The following CPS1 variants were observed in gnomAD, a reference collection of about 807,000 sequenced individuals.
The protein encoded by CPS1 is carbamoyl-phosphate synthase [ammonia], mitochondrial.
A neutral mutation model predicts 174.6 loss-of-function variants in CPS1; 109 were observed. The observed-to-expected ratio is 0.62, with a 90% confidence interval of 0.53 to 0.73. The LOEUF is 0.73. Among genes scored for constraint, CPS1 ranks in the 30% least tolerant of loss-of-function variants. CPS1 has a pLI of 0.00. For synonymous variants in CPS1, 637 were observed against 632.0 expected (o/e 1.01, Z -0.12); for missense variants, 1,689 against 1,821.9 (o/e 0.93, Z 1.33).
intron 27 of CPS1, among the ~76,000 whole-genome samples, chr2:210,649,119 A>G (rs939217265): frequency 2.0e-5 from 3 of 152,218 alleles, no homozygotes; most frequent in Admixed American, 6.5e-5. Context: ...TTCACCAAAC[A>G]AGGGATAATA....
chr2:210,674,483 C>T (rs7575473), intron 34 of CPS1: 1 of 87,282 alleles, frequency 1.1e-5, no homozygotes, highest in Non-Finnish European at 2.4e-5. Flanking sequence ...AAAAAAAAAA[C>T]CAAAAAAAAA....
chr2:210,623,269 G>T (rs1437378839), intron 21 of CPS1, among the ~76,000 whole-genome samples: 1 of 152,110 alleles, frequency 6.6e-6, no homozygotes, highest in Non-Finnish European at 1.5e-5. Context: ...ACGTTCAAAA[G>T]TAGGAGATAT....
chr2:210,613,769 A>G (rs1699209943), intron 20 of CPS1, among the ~76,000 whole-genome samples: 2 of 151,956 alleles, frequency 1.3e-5, no homozygotes, highest in Non-Finnish European at 2.9e-5. Context: ...GAATCTGGGA[A>G]AAATGTGTGG....
chr2:210,622,889 GT>G (rs373215479), intron 21 of CPS1, among the ~76,000 whole-genome samples: 1 of 150,778 alleles, frequency 6.6e-6, no homozygotes, highest in African/African-American at 2.4e-5. Context: ...TCCTTATTTT[GT>G]TTTTTTGGTT....
At chr2:210,637,556 A>T in intron 21 of CPS1, 146 bp from the exon 22 acceptor site, 1 of 832,074 alleles carries the variant, frequency 1.2e-6, no homozygotes, top group Non-Finnish European at 2.0e-6. Context: ...TGGGTTAGTT[A>T]TTTGTGTATT....
At chr2:210,523,287 T>C (rs929550817) in intron 1 of CPS1, among the ~76,000 whole-genome samples, 4 of 152,074 alleles carry the variant, frequency 2.6e-5, no homozygotes, top group Non-Finnish European at 5.9e-5. Flanking sequence ...AGTTTGTTGC[T>C]AACAACTTTG....
intron 21 of CPS1, among the ~76,000 whole-genome samples, chr2:210,628,799 CAA>C (rs537569828): frequency 1.5e-5 from 2 of 133,296 alleles, no homozygotes. Flanking sequence ...GACTCTATCT[CAA>C]AAAAAAAAAA....
intron 20 of CPS1, among the ~76,000 whole-genome samples, chr2:210,613,115 G>A (rs1699185534): frequency 1.3e-5 from 2 of 151,922 alleles, no homozygotes; most frequent in African/African-American, 4.8e-5. Context: ...TTGTGTGTGT[G>A]TATGTGTGTG....
chr2:210,674,484 C>CAAA (rs771522432), intron 34 of CPS1: 11 of 75,016 alleles, frequency 1.5e-4, no homozygotes, highest in African/African-American at 2.3e-4. Flanking sequence ...AAAAAAAAAC[C>CAAA]AAAAAAAAAA....
intron 1 of CPS1, among the ~76,000 whole-genome samples, chr2:210,518,381 C>T (rs543416816): frequency 4.6e-5 from 7 of 151,962 alleles, no homozygotes; most frequent in African/African-American, 1.2e-4. Context: ...TAGGTAGATG[C>T]GTGGTTAGAA....
At chr2:210,549,172 G>A (rs1470914669) in intron 1 of CPS1, among the ~76,000 whole-genome samples, 5 of 152,038 alleles carry the variant, frequency 3.3e-5, no homozygotes, top group Admixed American at 3.3e-4. Flanking sequence ...ACATGATCTG[G>A]ATTGCCATAG....
At chr2:210,535,120 T>C (rs1396905097) in intron 1 of CPS1, among the ~76,000 whole-genome samples, 1 of 152,194 alleles carries the variant, frequency 6.6e-6, no homozygotes, top group Admixed American at 6.5e-5. Flanking sequence ...CAAGAACTCA[T>C]GGCTACTTTC....
At chr2:210,541,294 A>T (rs901502190) in intron 1 of CPS1, among the ~76,000 whole-genome samples, 2 of 152,174 alleles carry the variant, frequency 1.3e-5, no homozygotes, top group Admixed American at 6.5e-5. Flanking sequence ...TTGCCTGGCC[A>T]ATCAAACTGT....
chr2:210,519,526 C>G (rs1393898193), intron 1 of CPS1: 1 of 152,252 alleles, frequency 6.6e-6, no homozygotes, highest in African/African-American at 2.4e-5. Context: ...TAATTATTGT[C>G]ATTGACAACT....
intron 1 of CPS1, among the ~76,000 whole-genome samples, chr2:210,534,373 G>A (rs897388228): frequency 1.3e-5 from 2 of 152,138 alleles, no homozygotes; most frequent in African/African-American, 4.8e-5. Flanking sequence ...TCTGCTTAAT[G>A]CAAACTTACT....
rs1401482483 is a variant in CPS1, at chr2:210,674,478, AAAAACC to A, written c.4102-419_4102-414del. On this transcript the variant is annotated intron_variant, in intron 34 of 37. Transcript: ENST00000233072. Reference sequence around the variant, plus strand: ...GAGCAAAAAACCCCATCTCAAAAAAAAAAACCAAAAAAAAAAAAAAGAAATAAGAGC... The same window carrying A: ...GAGCAAAAAACCCCATCTCAAAAAAAAAAAAAAAAAAAAAGAAATAAGAGC... 3.6e-3 allele frequency: 524 copies of A among 147,202 alleles called. 6 individuals carry two copies. Among genetic ancestry groups the A allele is most frequent in the South Asian group, 0.01 (56 of 5,358 alleles). The allele number at this position is 147,202 out of a possible 1,614,324, so 9.1% of individuals were successfully genotyped here.
chr2:210,490,651 A>C (rs756263319), intron 1 of CPS1, among the ~76,000 whole-genome samples: 6 of 152,234 alleles, frequency 3.9e-5, no homozygotes, highest in South Asian at 2.1e-4. Context: ...CCAAAGTGGA[A>C]ATAAAAGAGA....
chr2:210,506,575 C>G (rs1483557604), intron 1 of CPS1, among the ~76,000 whole-genome samples: 2 of 152,162 alleles, frequency 1.3e-5, no homozygotes, highest in African/African-American at 4.8e-5. Context: ...AATCAAACTA[C>G]TCCAAGCTAA....
intron 1 of CPS1, among the ~76,000 whole-genome samples, chr2:210,528,152 G>A (rs1169734919): frequency 6.6e-6 from 1 of 151,580 alleles, no homozygotes; most frequent in African/African-American, 2.4e-5. Flanking sequence ...TGTTTAGTGG[G>A]CATATAATTA....
Sources: allele counts gnomAD v4.1 joint callset (sites outside exome capture counted in the v4.1 genomes callset), GRCh38; gene constraint gnomAD v4.1.1; transcripts MANE v1.5; gene names NCBI Gene and HGNC (gene_info 2026-07-23, HGNC 2026-07-21).